Variants in PRKCQ observed in about 807,000 individuals in gnomAD.
PRKCQ encodes the protein protein kinase C theta type.
In PRKCQ, 41 loss-of-function variants were observed where a neutral mutation model predicts 91.2. The observed-to-expected ratio is 0.45, with a 90% CI of 0.35 to 0.58. The LOEUF (loss-of-function observed/expected upper bound fraction) is 0.58, where lower values mean the gene tolerates loss of function less well. Among genes scored for constraint, PRKCQ ranks in the 20% least tolerant of loss-of-function variants. The pLI, the probability that PRKCQ is intolerant of heterozygous loss-of-function variation, is 0.00. For synonymous variants in PRKCQ, 307 were observed against 316.9 expected (o/e 0.97, Z 0.33); for missense variants, 673 against 896.5 (o/e 0.75, Z 3.18).
At chr10:6,413,082 A>C in the PRKCQ span, among the ~76,000 whole-genome samples, 7 of 151,992 alleles carry the variant, frequency 4.6e-5, no homozygotes, top group African/African-American at 1.7e-4. Context: ...CCTCCTGAAT[A>C]GCTGGGACTA....
At chr10:6,531,543 C>T (rs1053506392) in intron 1 of PRKCQ, among the ~76,000 whole-genome samples, 1 of 151,262 alleles carries the variant, frequency 6.6e-6, no homozygotes, top group Non-Finnish European at 1.5e-5. Flanking sequence ...ATGGCAATGC[C>T]GAGAATATCT....
At chr10:6,553,274 G>A (rs1840259877) in intron 1 of PRKCQ, among the ~76,000 whole-genome samples, 1 of 152,074 alleles carries the variant, frequency 6.6e-6, no homozygotes, top group Non-Finnish European at 1.5e-5. Flanking sequence ...CAGATCGCTT[G>A]AGCTCAGGAC....
intron 1 of PRKCQ, among the ~76,000 whole-genome samples, chr10:6,530,533 G>A (rs766163878): frequency 2.0e-5 from 3 of 152,230 alleles, no homozygotes; most frequent in South Asian, 2.1e-4. Context: ...GGGGGACTGG[G>A]CTATCACAGT....
intron 12 of PRKCQ, 129 bp downstream of exon 12, chr10:6,478,863 T>C (rs1027474413): frequency 4.9e-6 from 5 of 1,029,298 alleles, no homozygotes; most frequent in African/African-American, 1.6e-5. Context: ...TTTGGATGGA[T>C]GGCAGGTACA....
intron 1 of PRKCQ, among the ~76,000 whole-genome samples, chr10:6,546,377 G>C (rs772357042): frequency 1.3e-5 from 2 of 152,164 alleles, no homozygotes; most frequent in Non-Finnish European, 2.9e-5. Context: ...AGCAAGATGA[G>C]GTTGCAGAGG....
At chr10:6,508,193 A>C (rs1838295470) in intron 3 of PRKCQ, among the ~76,000 whole-genome samples, 1 of 152,368 alleles carries the variant, frequency 6.6e-6, no homozygotes, top group African/African-American at 2.4e-5. Context: ...ATAAAGTGAC[A>C]TAAGGAGAAG....
At position 6,442,032 on chromosome 10, in the gene PRKCQ, C is replaced by A. The variant is rs1284118031; in HGVS notation, c.1697G>T (p.Gly566Val). The A allele has an allele frequency of 6.2e-7, 1 of 1,614,112 alleles. No homozygotes were observed. Among genetic ancestry groups the A allele is most frequent in the East Asian group, 2.2e-5 (1 of 44,866 alleles). Reference sequence around the variant, plus strand: ...AATCAGCATTTCATAAAGGAGAACCCCGAAGGACCACCAGTCCACAGAGTG... The same window carrying A: ...AATCAGCATTTCATAAAGGAGAACCACGAAGGACCACCAGTCCACAGAGTG... The part of the protein sequence containing the change: ...YNHSVDWWSF[G>V]VLLYEMLIGQ... The change falls in exon 16 of 18, where the codon GGG becomes GTG. Residue 566 changes from glycine (G) to valine (V), a missense_variant. Transcript: ENST00000263125.
rs187947173 is a variant in PRKCQ, at chr10:6,549,923, C to T, written c.-10+30288G>A. On this transcript the variant is annotated intron_variant, in intron 1 of 17. Transcript: ENST00000263125. ...CTGGGATTACAGGCGTGAGCCACCG[C>T]GCCCGGCTGAAATTCACCATCTTAA... 2.0e-3 allele frequency among the ~76,000 whole-genome samples: 302 copies of T among 152,022 alleles called. 1 individual carries two copies. The highest frequency in any genetic ancestry group is 6.8e-3 in the African/African-American group (283 of 41,470).
intron 1 of PRKCQ, among the ~76,000 whole-genome samples, chr10:6,530,434 G>A (rs1029649475): frequency 2.0e-5 from 3 of 152,204 alleles, no homozygotes; most frequent in African/African-American, 7.2e-5. Flanking sequence ...TACAGCAAGC[G>A]GAAGCAGCAG....
chr10:6,476,313 C>CAA (rs34526387), intron 12 of PRKCQ, among the ~76,000 whole-genome samples: 25,568 of 115,788 alleles, frequency 0.22, 2,688 homozygotes, highest in East Asian at 0.4. Flanking sequence ...ACATGCAAAT[C>CAA]AAAAAAAAAA....
intron 4 of PRKCQ, among the ~76,000 whole-genome samples, chr10:6,501,922 T>C (rs908847801): frequency 2.0e-5 from 3 of 151,968 alleles, no homozygotes; most frequent in South Asian, 2.1e-4. Context: ...TCAGAGGAGA[T>C]TGAGGCATCC....
chr10:6,399,572 A>G, the PRKCQ span, among the ~76,000 whole-genome samples: 2 of 151,794 alleles, frequency 1.3e-5, no homozygotes, highest in African/African-American at 2.4e-5. Context: ...GAGCCACAAG[A>G]TGAGGAAGGT....
At chr10:6,578,716 A>T (rs1841335125) in intron 1 of PRKCQ, among the ~76,000 whole-genome samples, 1 of 152,252 alleles carries the variant, frequency 6.6e-6, no homozygotes, top group South Asian at 2.1e-4. Context: ...GAGGGATTTT[A>T]AACAGCTGTG....
Position 6,427,971 on chromosome 10 carries a change from C to T in PRKCQ, c.*236G>A. 1 of 531,146 alleles carries T rather than the reference C, an allele frequency of 1.9e-6. No individual in the cohort carries two copies. Among genetic ancestry groups the T allele is most frequent in the Non-Finnish European group, 3.3e-6 (1 of 299,294 alleles). The allele number at this position is 531,146 out of a possible 1,614,324, so 32.9% of individuals were successfully genotyped here. On this transcript the variant is annotated 3_prime_UTR_variant, in exon 18 of 18. Transcript: ENST00000263125. ...AGTAAATAACTATGGTTAGTAATGA[C>T]CTAACTTCAGGAGCGTCTGTGAGAC...
chr10:6,536,481 G>C (rs1839585939), intron 1 of PRKCQ, among the ~76,000 whole-genome samples: 1 of 152,002 alleles, frequency 6.6e-6, no homozygotes, highest in African/African-American at 2.4e-5. Flanking sequence ...CACCTCATAA[G>C]ACTTTAGTAA....
chr10:6,475,302 G>C (rs905687128), intron 12 of PRKCQ, among the ~76,000 whole-genome samples: 5 of 152,188 alleles, frequency 3.3e-5, no homozygotes, highest in African/African-American at 1.2e-4. Context: ...TCCTGGGCAG[G>C]GGTAAAGTGG....
chr10:6,410,070 G>A, the PRKCQ span, among the ~76,000 whole-genome samples: 2 of 152,014 alleles, frequency 1.3e-5, no homozygotes, highest in African/African-American at 4.8e-5. Context: ...TACCCTCTGG[G>A]CTACTCACTG....
chr10:6,407,462 A>G, the PRKCQ span, among the ~76,000 whole-genome samples: 11 of 134,676 alleles, frequency 8.2e-5, no homozygotes, highest in Admixed American at 1.7e-4. The surrounding 1 kb of genome is among the most constrained non-coding windows in gnomAD (Gnocchi z 4.0). Context: ...TGTGTGGTGT[A>G]CATGTTCAGT....
At chr10:6,540,677 T>C (rs1244840553) in intron 1 of PRKCQ, among the ~76,000 whole-genome samples, 5 of 152,234 alleles carry the variant, frequency 3.3e-5, no homozygotes, top group Non-Finnish European at 5.9e-5. Context: ...TTGGCCATGG[T>C]GAATAATGCT....
Sources: allele counts gnomAD v4.1 joint callset (sites outside exome capture counted in the v4.1 genomes callset), GRCh38; gene constraint gnomAD v4.1.1; non-coding constraint Gnocchi (gnomAD v3.1); transcripts MANE v1.5; gene names NCBI Gene and HGNC (gene_info 2026-07-23, HGNC 2026-07-21).